The following DAB1 variants were observed in gnomAD, a reference collection of about 807,000 sequenced individuals.
DAB1 encodes DAB adaptor protein 1.
Under a neutral mutation model 64.6 loss-of-function variants are expected in DAB1, and 15 were observed. The ratio of observed to expected loss-of-function variants is 0.23; its 90% CI spans 0.16 to 0.36. The LOEUF is 0.36. DAB1 is among the 10% of genes least tolerant of loss of function. The pLI is 1.00. For missense variants in DAB1, 596 were observed against 706.7 expected (o/e 0.84, Z 1.78); for synonymous variants, 235 against 251.9 (o/e 0.93, Z 0.64).
chr1:57,986,690 C>A (rs548526801), intron 5 of DAB1, among the ~76,000 whole-genome samples: 83 of 152,262 alleles, frequency 5.5e-4, no homozygotes, highest in African/African-American at 1.9e-3. Flanking sequence ...AAGGCTTCCT[C>A]TTTTTTGACC....
intron 4 of DAB1, among the ~76,000 whole-genome samples, chr1:57,116,881 C>A (rs2100740446): frequency 6.6e-6 from 1 of 152,280 alleles, no homozygotes; most frequent in South Asian, 2.1e-4. Context: ...GGAGAGAATT[C>A]TTTTTATATC....
intron 8 of DAB1, 79 bp downstream of exon 8, chr1:57,069,281 C>T (rs1241447461): frequency 3.3e-6 from 4 of 1,204,284 alleles, no homozygotes; most frequent in Middle Eastern, 1.9e-4. Context: ...CAACAGAACC[C>T]TTGGTTCTTT....
intron 2 of DAB1, among the ~76,000 whole-genome samples, chr1:57,245,891 T>G (rs1049195485): frequency 6.6e-6 from 1 of 152,200 alleles, no homozygotes; most frequent in African/African-American, 2.4e-5. Context: ...TAATTTACAC[T>G]CTCTGGTGGG....
intron 6 of DAB1, among the ~76,000 whole-genome samples, chr1:57,653,974 T>C (rs1375313583): frequency 6.6e-6 from 1 of 152,202 alleles, no homozygotes; most frequent in East Asian, 1.9e-4. Context: ...GTTCACACTG[T>C]TACCAGCATT....
downstream of DAB1, among the ~76,000 whole-genome samples, chr1:57,824,512 C>T (rs1333701953): frequency 6.6e-6 from 1 of 152,008 alleles, no homozygotes; most frequent in African/African-American, 2.4e-5. Flanking sequence ...ACAGGAGAGC[C>T]TGAGAGCTTC....
chr1:57,038,874 A>T (rs1471858355), intron 9 of DAB1, among the ~76,000 whole-genome samples: 1 of 152,190 alleles, frequency 6.6e-6, no homozygotes, highest in Non-Finnish European at 1.5e-5. Flanking sequence ...CCTTATTAAG[A>T]CATTGCAAGA....
chr1:57,566,224 C>T (rs1398343744), intron 7 of DAB1, among the ~76,000 whole-genome samples: 1 of 152,098 alleles, frequency 6.6e-6, no homozygotes, highest in Non-Finnish European at 1.5e-5. Flanking sequence ...TCTTTGAAAC[C>T]AATGAGAACA....
intron 3 of DAB1, among the ~76,000 whole-genome samples, chr1:58,433,064 T>A (rs945272919): frequency 4.6e-5 from 7 of 152,346 alleles, no homozygotes; most frequent in African/African-American, 1.7e-4. Flanking sequence ...GGTTGTAGGC[T>A]GTGTGAGAAA....
At chr1:57,207,328 G>A (rs983109467) in intron 2 of DAB1, among the ~76,000 whole-genome samples, 42 of 151,606 alleles carry the variant, frequency 2.8e-4, no homozygotes, top group African/African-American at 1.0e-3. Context: ...AAATGTAGAT[G>A]ATAAAACTTT....
intron 7 of DAB1, among the ~76,000 whole-genome samples, chr1:57,465,485 C>T (rs958147366): frequency 1.3e-5 from 2 of 152,198 alleles, no homozygotes; most frequent in Non-Finnish European, 2.9e-5. Context: ...GAAGCTAATG[C>T]AGCCCCTACT....
At chr1:58,172,279 C>T (rs564676575) in intron 4 of DAB1, among the ~76,000 whole-genome samples, 66 of 152,276 alleles carry the variant, frequency 4.3e-4, no homozygotes, top group Non-Finnish European at 6.8e-4. Flanking sequence ...GGAACAATCC[C>T]ACAACCAGTG....
chr1:57,021,877 GCTAGTC>G (rs1405904818), intron 11 of DAB1, among the ~76,000 whole-genome samples: 1 of 152,082 alleles, frequency 6.6e-6, no homozygotes, highest in East Asian at 1.9e-4. Flanking sequence ...TCCTGTCCCT[GCTAGTC>G]CTGTCACATG....
In DAB1 at chr1:57,421,546, C is replaced by T. The variant is rs561411813; in HGVS notation, c.-137+2384G>A. Among the ~76,000 whole-genome samples, 11 of 152,268 alleles carry T rather than the reference C, an allele frequency of 7.2e-5. No homozygotes were observed. In the South Asian group the frequency reaches 2.3e-3, roughly 32 times the overall value. On this transcript the variant is annotated intron_variant, in intron 1 of 14. Transcript: ENST00000371236. ...CACAACATATTTGCACTTCCCACTT[C>T]GGCCTCTTTTCTCATCCCTGCGGAT...
At chr1:58,112,286 A>G (rs78462973) in intron 5 of DAB1, among the ~76,000 whole-genome samples, 4,104 of 152,312 alleles carry the variant, frequency 0.027, 165 homozygotes, top group African/African-American at 0.093. Context: ...CTGAAGAATG[A>G]AAGTTCCTTA....
intron 2 of DAB1, among the ~76,000 whole-genome samples, chr1:57,219,663 G>A (rs1666706907): frequency 6.6e-6 from 1 of 152,166 alleles, no homozygotes; most frequent in African/African-American, 2.4e-5. Flanking sequence ...TTGTGAGAAG[G>A]TGTGTGAGGG....
chr1:57,006,170 G>C (rs1266292175), intron 14 of DAB1, among the ~76,000 whole-genome samples: 1 of 152,178 alleles, frequency 6.6e-6, no homozygotes, highest in Non-Finnish European at 1.5e-5. Flanking sequence ...TAGATGATCT[G>C]TGTATTCTAC....
chr1:57,185,551 CAA>C (rs1663458324), intron 2 of DAB1, among the ~76,000 whole-genome samples: 2 of 152,062 alleles, frequency 1.3e-5, no homozygotes, highest in Non-Finnish European at 2.9e-5. Context: ...ACCTCACAGG[CAA>C]CCTCACGCAT....
chr1:57,284,897 G>A (rs1672193609), intron 2 of DAB1, among the ~76,000 whole-genome samples: 1 of 152,126 alleles, frequency 6.6e-6, no homozygotes, highest in Non-Finnish European at 1.5e-5. Context: ...GCACAGCTGC[G>A]AGTTACAGAA....
chr1:58,402,174 C>T (rs1285630656), intron 3 of DAB1, among the ~76,000 whole-genome samples: 1 of 152,170 alleles, frequency 6.6e-6, no homozygotes, highest in African/African-American at 2.4e-5. Context: ...CTTAAAAGAG[C>T]TCCAACTCCA....
Sources: gnomAD v4.1 joint callset for allele counts (sites outside exome capture counted in the v4.1 genomes callset) on GRCh38, gnomAD v4.1.1 for gene constraint, MANE v1.5 for transcripts, NCBI Gene and HGNC (gene_info 2026-07-23, HGNC 2026-07-21) for gene names.